Variants in CEP170 observed in about 807,000 individuals in gnomAD.
CEP170 encodes centrosomal protein 170, also known as centrosomal protein of 170 kDa.
CEP170 carries 21 observed loss-of-function variants against 151.9 expected under a neutral mutation model. The ratio of observed to expected loss-of-function variants is 0.14; its 90% CI spans 0.10 to 0.20. The LOEUF is 0.20. Among genes scored for constraint, CEP170 ranks in the 10% least tolerant of loss-of-function variants. CEP170 has a pLI of 1.00. For missense variants in CEP170, 964 were observed against 1,892.9 expected (o/e 0.51, Z 9.11); for synonymous variants, 356 against 648.8 (o/e 0.55, Z 6.86).
At chr1:243,170,531 C>T (rs1428414317) in intron 11 of CEP170, among the ~76,000 whole-genome samples, 2 of 152,120 alleles carry the variant, frequency 1.3e-5, no homozygotes, top group South Asian at 2.1e-4. Context: ...TGGTTGCTCA[C>T]GCCTGTAATC....
chr1:243,213,610 G>T (rs749201390), intron 3 of CEP170, among the ~76,000 whole-genome samples: 4 of 151,968 alleles, frequency 2.6e-5, no homozygotes, highest in Non-Finnish European at 5.9e-5. Context: ...GAAAGAATGT[G>T]TCCATGAAAA....
At chr1:243,228,311 C>T (rs1000803639) in intron 1 of CEP170, among the ~76,000 whole-genome samples, 2 of 152,172 alleles carry the variant, frequency 1.3e-5, no homozygotes, top group South Asian at 4.1e-4. Context: ...ACAATCAACT[C>T]GTACTCCCTC....
chr1:243,131,290 G>A (rs986161974), intron 17 of CEP170, among the ~76,000 whole-genome samples: 1 of 151,922 alleles, frequency 6.6e-6, no homozygotes, highest in African/African-American at 2.4e-5. Flanking sequence ...CCAGGAGATC[G>A]AGACCAGCCT....
At chr1:243,243,176 A>G (rs906585941) in intron 1 of CEP170, among the ~76,000 whole-genome samples, 1 of 152,128 alleles carries the variant, frequency 6.6e-6, no homozygotes, top group East Asian at 1.9e-4. Context: ...GTAGGCTATG[A>G]TCATGCCACT....
chr1:243,164,898 T>A lies in CEP170; in HGVS notation c.3062A>T (p.Asp1021Val), dbSNP rs747190349. 6.2e-7 allele frequency: 1 copy of A among 1,613,844 alleles called. No individual in the cohort carries two copies. ...SSGRIRQPSV[D>V]LTDDDQTSSV... ...AGAGGTTTGGTCATCATCTGTTAAG[T>A]CTACTGAGGGCTGTCTTATTCTCCC... The change falls in exon 13 of 20, where the codon GAC becomes GTC. Residue 1021 changes from aspartate to valine, a missense_variant. Coordinates refer to ENST00000366542, the MANE Select transcript of CEP170 (RefSeq NM_014812.3).
chr1:243,175,053 A>G (rs1033584209), intron 10 of CEP170: 2 of 152,234 alleles, frequency 1.3e-5, no homozygotes, highest in African/African-American at 4.8e-5. Context: ...TGTAATTTAG[A>G]AATTATCTTG....
At chr1:243,246,091 G>C (rs2149167242) in intron 1 of CEP170, among the ~76,000 whole-genome samples, 1 of 152,254 alleles carries the variant, frequency 6.6e-6, no homozygotes, top group African/African-American at 2.4e-5. Flanking sequence ...TTATTAAAAA[G>C]TTAGAAAAGG....
chr1:243,166,191 G>T, intron 12 of CEP170, 75 bp from the exon 13 acceptor site: 3 of 1,529,506 alleles, frequency 2.0e-6, no homozygotes, highest in East Asian at 2.4e-5. Context: ...TCATACAGTT[G>T]TCTGTCAGTA....
intron 3 of CEP170, among the ~76,000 whole-genome samples, chr1:243,217,971 C>G (rs1245517650): frequency 6.6e-6 from 1 of 152,238 alleles, no homozygotes; most frequent in East Asian, 1.9e-4. Context: ...CGAAATTCCT[C>G]CATTCAAACC....
Position 243,140,012 on chromosome 1 carries a change from A to G in CEP170, c.4155T>C (p.Gly1385=). Residue 1385 remains glycine (G), a synonymous_variant, in exon 16 of 20, where the codon GGT becomes GGC. Coordinates refer to ENST00000366542, the MANE Select transcript of CEP170 (RefSeq NM_014812.3). ...GCTCTGCTGCTTGAGGTCTTGGATC[A>G]CCAGATCGACCGTTGTTTCCTTCTG... ...KTPEGNNGRS[G]DPRPQAAEPP... is the part of the protein sequence containing the mutation. The G allele has an allele frequency of 1.2e-6, 2 of 1,613,958 alleles. No homozygotes were observed. Among genetic ancestry groups the G allele is most frequent in the Non-Finnish European group, 1.7e-6 (2 of 1,179,866 alleles).
chr1:243,215,616 G>A (rs10926969), intron 3 of CEP170, among the ~76,000 whole-genome samples: 62,131 of 151,986 alleles, frequency 0.41, 14,730 homozygotes, highest in East Asian at 0.66. Context: ...CTCAAACCCT[G>A]TCTCCTGATA....
chr1:243,251,081 T>C (rs2065896272), intron 1 of CEP170, among the ~76,000 whole-genome samples: 2 of 152,214 alleles, frequency 1.3e-5, no homozygotes, highest in African/African-American at 4.8e-5. Context: ...CCTTACTTCA[T>C]CTTACTCCTA....
At chr1:243,220,751 A>G (rs1003487952) in intron 3 of CEP170, among the ~76,000 whole-genome samples, 5 of 152,226 alleles carry the variant, frequency 3.3e-5, no homozygotes, top group African/African-American at 4.8e-5. Flanking sequence ...GCAAATGAAG[A>G]AACTGAAATA....
At chr1:243,216,367 A>G (rs570497847) in intron 3 of CEP170, among the ~76,000 whole-genome samples, 1,345 of 45,558 alleles carry the variant, frequency 0.03, 11 homozygotes, top group Non-Finnish European at 0.051. Flanking sequence ...CCCCGACCCC[A>G]CAACAGGCCC....
At chr1:243,153,726 G>GAA (rs531474174) in intron 14 of CEP170, among the ~76,000 whole-genome samples, 1 of 151,024 alleles carries the variant, frequency 6.6e-6, no homozygotes, top group African/African-American at 2.4e-5. Context: ...CATGCACTAG[G>GAA]AAAAAAAAAC....
At chr1:243,222,530 T>C (rs910577668) in intron 2 of CEP170, among the ~76,000 whole-genome samples, 6 of 152,140 alleles carry the variant, frequency 3.9e-5, no homozygotes, top group African/African-American at 1.4e-4. Flanking sequence ...TGAAAGGAAA[T>C]ATCATTATAG....
intron 10 of CEP170, among the ~76,000 whole-genome samples, chr1:243,176,093 G>A (rs1037135994): frequency 6.6e-6 from 1 of 152,164 alleles, no homozygotes; most frequent in Non-Finnish European, 1.5e-5. Context: ...ACAACGCCCG[G>A]CCTCAAAGGT....
Position 243,132,648 on chromosome 1 carries a change from T to G in CEP170, c.4320-3195A>C, listed in dbSNP as rs549898376. Among the ~76,000 whole-genome samples the G allele has an allele frequency of 3.3e-5, 5 of 152,330 alleles. No homozygotes were observed. The South Asian group carries it at 8.3e-4, about 25-fold the overall frequency. On this transcript the variant is annotated intron_variant, in intron 17 of 19. Coordinates refer to ENST00000366542, the MANE Select transcript of CEP170 (RefSeq NM_014812.3). ...TGAGACAACACAGGTTATCAATCCATCAGCAATGTCTTCTTTGTTCTCAAT... is the reference window on the plus strand; with the variant it reads ...TGAGACAACACAGGTTATCAATCCAGCAGCAATGTCTTCTTTGTTCTCAAT...
At chr1:243,188,931 C>T (rs1459751674) in intron 8 of CEP170, among the ~76,000 whole-genome samples, 1 of 152,176 alleles carries the variant, frequency 6.6e-6, no homozygotes, top group African/African-American at 2.4e-5. Flanking sequence ...GTCATTTATA[C>T]ACATGTCCAG....
Sources: gnomAD v4.1 joint callset for allele counts (sites outside exome capture counted in the v4.1 genomes callset) on GRCh38, gnomAD v4.1.1 for gene constraint, MANE v1.5 for transcripts, NCBI Gene and HGNC (gene_info 2026-07-23, HGNC 2026-07-21) for gene names.